RLBP1: variants seen among roughly 807,000 people sequenced by gnomAD.
The protein encoded by RLBP1 is retinaldehyde binding protein 1, also known as retinaldehyde-binding protein 1.
In RLBP1, 26 loss-of-function variants were observed where a neutral mutation model predicts 36.2. That is an observed-to-expected ratio of 0.72 (90% CI 0.53 to 1.00). The LOEUF (loss-of-function observed/expected upper bound fraction) is 1.00, where lower values mean the gene tolerates loss of function less well. RLBP1 is among the 50% of genes least tolerant of loss of function. The probability of loss-of-function intolerance (pLI) is 0.00; values close to 1 mark genes in which losing one functional copy is unlikely to be tolerated. For synonymous variants in RLBP1, 155 were observed against 156.2 expected, an observed-to-expected ratio of 0.99 and a Z score of 0.06; for missense variants, 410 against 402.4, an observed-to-expected ratio of 1.02 and a Z score of -0.16.
At chr15:89,215,015 G>A in intron 6 of RLBP1, 45 bp downstream of exon 6, 2 of 1,600,062 alleles carry the variant, frequency 1.2e-6, no homozygotes, top group Admixed American at 1.7e-5. Context: ...GGTTGAGGGA[G>A]GGAACCCAGC....
At position 89,210,104 on chromosome 15, in the gene RLBP1, C is replaced by T; in HGVS notation, c.*181G>A. On this transcript the variant is annotated 3_prime_UTR_variant, in exon 9 of 9. Transcript: ENST00000268125. This position sits in a 1 kb window ranked among gnomAD's most constrained non-coding sequence, Gnocchi z 4.7. ...CCAGTTCTTCTTGTTCAAGGGAATTCCCCCTCCTTTATTACCCATCCCCCA... is the reference window on the plus strand; with the variant it reads ...CCAGTTCTTCTTGTTCAAGGGAATTTCCCCTCCTTTATTACCCATCCCCCA... 4 of 664,168 alleles carry T rather than the reference C, an allele frequency of 6.0e-6. No homozygotes were observed. Among genetic ancestry groups the T allele is most frequent in the Non-Finnish European group, 1.1e-5 (4 of 375,600 alleles). The allele number at this position is 664,168 out of a possible 1,614,324, so 41.1% of individuals were successfully genotyped here. A position where few individuals can be genotyped will look rare whatever the true frequency, so the allele number is the denominator to read the frequency against.
In RLBP1 at chr15:89,211,637, A is replaced by T; in HGVS notation, c.684+106T>A. On this transcript the variant is annotated intron_variant, in intron 7 of 8. Coordinates refer to ENST00000268125, the MANE Select transcript of RLBP1 (RefSeq NM_000326.5). This position sits in a 1 kb window ranked among gnomAD's most constrained non-coding sequence, Gnocchi z 5.8. The stretch of plus-strand genomic sequence containing the variant: ...GGCTGTCACTGCTCTTTATGGCGCG[A>T]GGTGGTCCAACTTCTCAGTTCCCTG... The T allele has an allele frequency of 8.5e-7, 1 of 1,175,164 alleles. No individual in the cohort carries two copies. The highest frequency in any genetic ancestry group is 1.2e-6 in the Non-Finnish European group (1 of 802,994). 72.8% of individuals were successfully genotyped at this position (1,175,164 alleles called of 1,614,324 possible). A position where few individuals can be genotyped will look rare whatever the true frequency, so the allele number is the denominator to read the frequency against.
Position 89,210,970 on chromosome 15 carries a change from AACT to A in RLBP1, c.685-164_685-162del, listed in dbSNP as rs1439021300. On this transcript the variant is annotated intron_variant, in intron 7 of 8. Transcript: ENST00000268125. The surrounding 1 kb of genome is among the most constrained non-coding windows in gnomAD (Gnocchi z 4.7). ...CTGAAGGTCCTATTTCCAGGCCAGC[AACT>A]AGGGATCCCTGGCTCACTGTGGCCC... 6.6e-6 allele frequency among the ~76,000 whole-genome samples: 1 copy of A among 152,188 alleles called. No homozygotes were observed. Among genetic ancestry groups the A allele is most frequent in the Non-Finnish European group, 1.5e-5 (1 of 68,032 alleles).
At position 89,210,741 on chromosome 15, in the gene RLBP1, G is replaced by T. The variant is rs151141842; in HGVS notation, c.753C>A (p.Tyr251Ter). 1.4e-5 allele frequency: 23 copies of T among 1,603,060 alleles called. No homozygotes were observed. In the African/African-American group the frequency reaches 2.5e-4, roughly 18 times the overall value. Residue 251 changes from tyrosine (Y) to a stop codon, truncating the protein, a stop_gained, in exon 8 of 9, where the codon TAC (tyrosine) becomes TAA (stop). Transcript: ENST00000268125. LOFTEE classifies it high-confidence loss of function. This position sits in a 1 kb window ranked among gnomAD's most constrained non-coding sequence, Gnocchi z 4.7. ...IHQPWYFTTT[Y>*]NVVKPFLKSK... Reference sequence around the variant, plus strand: ...TCTTCAAGAAGGGCTTGACCACATTGTAGGTCGTGGTGAAGTACCATGGCT... The same window carrying T: ...TCTTCAAGAAGGGCTTGACCACATTTTAGGTCGTGGTGAAGTACCATGGCT...
At chr15:89,215,328 G>A (rs1567123186) in intron 5 of RLBP1, 90 bp from the exon 6 acceptor site, 3 of 1,313,564 alleles carry the variant, frequency 2.3e-6, no homozygotes, top group African/African-American at 2.9e-5. Context: ...CTGACCTCCT[G>A]CCAGGTCCTA....
Position 89,218,630 on chromosome 15 carries a change from T to A in RLBP1, c.76A>T (p.Thr26Ser), listed in dbSNP as rs2051601865. 1 of 1,614,026 alleles carries A rather than the reference T, an allele frequency of 6.2e-7. No homozygotes were observed. The highest frequency in any genetic ancestry group is 1.1e-5 in the South Asian group (1 of 91,080). Residue 26 changes from threonine to serine, a missense_variant, in exon 4 of 9, where the codon ACA (threonine) becomes TCA (serine). Physicochemically the swap from Thr to Ser is moderately conservative, Grantham distance 58. Coordinates refer to ENST00000268125, the MANE Select transcript of RLBP1 (RefSeq NM_000326.5). This position sits in a 1 kb window ranked among gnomAD's most constrained non-coding sequence, Gnocchi z 4.6. ...QELRAQLEQL[T>S]TKDHGPVFGP... The stretch of plus-strand genomic sequence containing the variant: ...AAGACAGGTCCATGGTCCTTGGTTG[T>A]GAGCTGCTCCAGTTGGGCACGGAGC...
rs1258106415 is a variant in RLBP1, at chr15:89,211,798, TGCATGG to T, written c.623_628del (p.Thr208_Gln210delinsLys). 6.2e-7 allele frequency: 1 copy of T among 1,614,120 alleles called. No homozygotes were observed. The highest frequency in any genetic ancestry group is 8.5e-7 in the Non-Finnish European group (1 of 1,180,050). Reference sequence around the variant, plus strand: ...TGAAGTCCGGAGACTAGCAGCCTGCTGCATGGTAAAGCCCTTGAAGTTCTCAATGAT... The same window carrying T: ...TGAAGTCCGGAGACTAGCAGCCTGCTTAAAGCCCTTGAAGTTCTCAATGAT... On this transcript the variant is annotated inframe_deletion, in exon 7 of 9. Transcript: ENST00000268125. The surrounding 1 kb of genome is among the most constrained non-coding windows in gnomAD (Gnocchi z 5.8).
chr15:89,210,747 C>A lies in RLBP1; in HGVS notation c.747G>T (p.Thr249=). Reference sequence around the variant, plus strand: ...AGAAGGGCTTGACCACATTGTAGGTCGTGGTGAAGTACCATGGCTGGTGGA... The same window carrying A: ...AGAAGGGCTTGACCACATTGTAGGTAGTGGTGAAGTACCATGGCTGGTGGA... ...HFIHQPWYFT[T]TYNVVKPFLK... is the part of the protein sequence containing the mutation. Residue 249 remains threonine, a synonymous_variant, in exon 8 of 9, where the codon ACG becomes ACT. Transcript: ENST00000268125. This position sits in a 1 kb window ranked among gnomAD's most constrained non-coding sequence, Gnocchi z 4.7. 2.5e-6 allele frequency: 4 copies of A among 1,603,428 alleles called. No homozygotes were observed. In the South Asian group the frequency reaches 4.5e-5, roughly 18 times the overall value.
At chr15:89,213,327 A>G (rs951998387) in intron 6 of RLBP1, among the ~76,000 whole-genome samples, 1 of 152,172 alleles carries the variant, frequency 6.6e-6, no homozygotes, top group Non-Finnish European at 1.5e-5. Context: ...AAGAAAAACT[A>G]TCTCCTCTAC....
rs906201790 is a variant in RLBP1 at position 89,211,556 on chromosome 15, A to C, written c.684+187T>G. On this transcript the variant is annotated intron_variant, in intron 7 of 8. Transcript: ENST00000268125. This position sits in a 1 kb window ranked among gnomAD's most constrained non-coding sequence, Gnocchi z 5.8. Reference sequence around the variant, plus strand: ...TCTCAAGGAGTCGATGGAAGAATGAAAGGGAATACTTGGCAAACTGTCAAT... The same window carrying C: ...TCTCAAGGAGTCGATGGAAGAATGACAGGGAATACTTGGCAAACTGTCAAT... Among the ~76,000 whole-genome samples, 1 of 152,212 alleles carries C rather than the reference A, an allele frequency of 6.6e-6. No individual in the cohort carries two copies. Among genetic ancestry groups the C allele is most frequent in the African/African-American group, 2.4e-5 (1 of 41,458 alleles).
chr15:89,221,154 C>T (rs2051623086), intron 1 of RLBP1, among the ~76,000 whole-genome samples: 1 of 152,006 alleles, frequency 6.6e-6, no homozygotes, highest in African/African-American at 2.4e-5. Flanking sequence ...ACTACAGGTG[C>T]CCACCAGCAC....
chr15:89,213,276 TA>T (rs113002812), intron 6 of RLBP1, among the ~76,000 whole-genome samples: 10,129 of 140,868 alleles, frequency 0.072, 1,067 homozygotes, highest in African/African-American at 0.23. Flanking sequence ...ATCAATTTGT[TA>T]AAAAAAAAAA....
At chr15:89,215,652 G>A (rs1482917005) in intron 5 of RLBP1, among the ~76,000 whole-genome samples, 1 of 152,178 alleles carries the variant, frequency 6.6e-6, no homozygotes, top group Non-Finnish European at 1.5e-5. Context: ...AAGCTCCCAA[G>A]TAAAATCCAA....
intron 1 of RLBP1, 84 bp downstream of exon 1, chr15:89,221,451 T>C (rs1372855612): frequency 6.6e-6 from 1 of 150,378 alleles, no homozygotes; most frequent in Non-Finnish European, 1.5e-5. Flanking sequence ...TACAGGCATC[T>C]TGGGACGTGG....
chr15:89,216,915 G>T (rs1032114865), intron 5 of RLBP1, among the ~76,000 whole-genome samples: 1 of 152,212 alleles, frequency 6.6e-6, no homozygotes, highest in African/African-American at 2.4e-5. Flanking sequence ...CAGACCTCCA[G>T]AAATCTGCTC....
intron 1 of RLBP1, among the ~76,000 whole-genome samples, chr15:89,221,203 T>G (rs1201575803): frequency 6.6e-6 from 1 of 152,126 alleles, no homozygotes; most frequent in East Asian, 1.9e-4. Flanking sequence ...GAGATGGGGT[T>G]TCACCATGTT....
Position 89,210,349 on chromosome 15 carries a change from T to C in RLBP1, c.890A>G (p.Asp297Gly). Reference sequence around the variant, plus strand: ...GAGCTGCTCAGCAACGGCCTTGCCATCATACTTGGGCAGCGTGCCCCCGAA... The same window carrying C: ...GAGCTGCTCAGCAACGGCCTTGCCACCATACTTGGGCAGCGTGCCCCCGAA... ...SDFGGTLPKY[D>G]GKAVAEQLFG... The change falls in exon 9 of 9, where the codon GAT becomes GGT. Residue 297 changes from aspartate to glycine, a missense_variant. Coordinates refer to ENST00000268125, the MANE Select transcript of RLBP1 (RefSeq NM_000326.5). This position sits in a 1 kb window ranked among gnomAD's most constrained non-coding sequence, Gnocchi z 4.7. 6.2e-7 allele frequency: 1 copy of C among 1,614,220 alleles called. No homozygotes were observed. The highest frequency in any genetic ancestry group is 8.5e-7 in the Non-Finnish European group (1 of 1,180,040).
rs1458142828 is a variant in RLBP1, at chr15:89,215,079, T to G, written c.506A>C (p.Gln169Pro). The change falls in exon 6 of 9, where the codon CAA (glutamine) becomes CCA (proline). Residue 169 changes from glutamine to proline, a missense_variant. Coordinates refer to ENST00000268125, the MANE Select transcript of RLBP1 (RefSeq NM_000326.5). The stretch of plus-strand genomic sequence containing the variant: ...ACTAACCTCATCAAAGGTGATTTCT[T>G]GACTTTGCCAGTTCTCAATGTTGAA... The part of the protein sequence containing the change: ...MLFNIENWQS[Q>P]EITFDEILQA... 5.6e-6 allele frequency: 9 copies of G among 1,614,196 alleles called. No individual in the cohort carries two copies. The highest frequency in any genetic ancestry group is 7.6e-6 in the Non-Finnish European group (9 of 1,180,026).
Position 89,218,434 on chromosome 15 carries a change from G to T in RLBP1, c.141+131C>A. ...GACCACCAGGAAGGACCTTAGAACC[G>T]GCCAGTCTATCAGGTCCAGGATGAT... On this transcript the variant is annotated intron_variant, in intron 4 of 8. Coordinates refer to ENST00000268125, the MANE Select transcript of RLBP1 (RefSeq NM_000326.5). This position sits in a 1 kb window ranked among gnomAD's most constrained non-coding sequence, Gnocchi z 4.6. The T allele has an allele frequency of 7.3e-7, 1 of 1,378,972 alleles. No individual in the cohort carries two copies. The highest frequency in any genetic ancestry group is 1.0e-6 in the Non-Finnish European group (1 of 984,198). The allele number at this position is 1,378,972 out of a possible 1,614,324, so 85.4% of individuals were successfully genotyped here. A position where few individuals can be genotyped will look rare whatever the true frequency, so the allele number is the denominator to read the frequency against.
Sources: allele counts gnomAD v4.1 joint callset (sites outside exome capture counted in the v4.1 genomes callset), GRCh38; gene constraint gnomAD v4.1.1; non-coding constraint Gnocchi (gnomAD v3.1); transcripts MANE v1.5; gene names NCBI Gene and HGNC (gene_info 2026-07-23, HGNC 2026-07-21).